DOCK8: variants seen among roughly 807,000 people sequenced by gnomAD.
The protein encoded by DOCK8 is dedicator of cytokinesis protein 8.
A neutral mutation model predicts 245.6 loss-of-function variants in DOCK8; 141 were observed. The observed-to-expected ratio is 0.57, with a 90% CI of 0.50 to 0.66. The LOEUF (loss-of-function observed/expected upper bound fraction) is 0.66. DOCK8 is among the 30% of genes least tolerant of loss of function. The pLI, the probability that DOCK8 is intolerant of heterozygous loss-of-function variation, is 0.00. For synonymous variants in DOCK8, 1,168 were observed against 970.2 expected (o/e 1.20, Z -3.79); for missense variants, 2,965 against 2,603.4 (o/e 1.14, Z -3.02).
intron 14 of DOCK8, among the ~76,000 whole-genome samples, chr9:364,641 G>GAAAAAAAA (rs34033459): frequency 3.6e-5 from 3 of 84,498 alleles, no homozygotes; most frequent in African/African-American, 1.3e-4. Flanking sequence ...CTCAAAAATT[G>GAAAAAAAA]AAAAAAAAAA....
chr9:427,123 A>C, intron 34 of DOCK8, 142 bp downstream of exon 34: 1 of 734,992 alleles, frequency 1.4e-6, no homozygotes, highest in South Asian at 1.6e-5. Flanking sequence ...GAAGTTTACT[A>C]TTTACAACAG....
Position 464,242 on chromosome 9 carries a change from A to G in DOCK8, c.*23A>G, listed in dbSNP as rs1446269193. On this transcript the variant is annotated 3_prime_UTR_variant, in exon 48 of 48. Transcript: ENST00000432829. ...TAAGAAAAGCCATCTTCATTCGTGG[A>G]GACTGTGGCCCTGCAACCCTGGAGA... The G allele has an allele frequency of 6.2e-7, 1 of 1,607,308 alleles. No homozygotes were observed. The highest frequency in any genetic ancestry group is 1.7e-5 in the Admixed American group (1 of 60,012).
chr9:314,357 A>G (rs2050254936), intron 6 of DOCK8: 4 of 152,250 alleles, frequency 2.6e-5, no homozygotes, highest in Admixed American at 2.6e-4. Context: ...AGAGAGAACA[A>G]TTAAAGGATG....
intron 6 of DOCK8, among the ~76,000 whole-genome samples, chr9:316,382 A>G (rs542884774): frequency 4.4e-4 from 67 of 152,324 alleles, no homozygotes; most frequent in African/African-American, 1.6e-3. Flanking sequence ...TAGGGGCTTG[A>G]TATTTCTCTT....
At chr9:233,453 G>T (rs2047166733) in intron 1 of DOCK8, among the ~76,000 whole-genome samples, 1 of 152,124 alleles carries the variant, frequency 6.6e-6, no homozygotes, top group South Asian at 2.1e-4. Flanking sequence ...CGGTATCCTT[G>T]TTGACTTTCT....
At chr9:450,017 G>C (rs1376331133) in intron 45 of DOCK8, 90 bp downstream of exon 45, 1 of 1,429,420 alleles carries the variant, frequency 7.0e-7, no homozygotes, top group Non-Finnish European at 9.7e-7. Flanking sequence ...GGGTTGATGA[G>C]GACTTTGATC....
intron 36 of DOCK8, among the ~76,000 whole-genome samples, chr9:431,810 A>G (rs1401187104): frequency 3.3e-5 from 5 of 152,102 alleles, no homozygotes; most frequent in African/African-American, 7.2e-5. Flanking sequence ...TTCTTTTAAT[A>G]AAGTTTAAAT....
Position 386,253 on chromosome 9 carries a change from C to T in DOCK8, c.2779-78C>T, listed in dbSNP as rs550312284. 259 of 1,226,548 alleles carry T rather than the reference C, an allele frequency of 2.1e-4. 5 individuals carry two copies. In the South Asian group the frequency reaches 3.0e-3, roughly 14 times the overall value. The allele number at this position is 1,226,548 out of a possible 1,614,324, so 76.0% of individuals were successfully genotyped here. ...AAAAATATGTATAAAAAAATGAATT[C>T]TGAGGTTGTGATTTCCAGATGTCTG... On this transcript the variant is annotated intron_variant, in intron 22 of 47. Coordinates refer to ENST00000432829, the MANE Select transcript of DOCK8 (RefSeq NM_203447.4).
intron 26 of DOCK8, 87 bp downstream of exon 26, chr9:399,346 T>G (rs1454200846): frequency 1.0e-6 from 1 of 967,886 alleles, no homozygotes. Flanking sequence ...GCACGCTGTC[T>G]TCTTCATTAC....
At chr9:309,388 T>C (rs527449841) in intron 5 of DOCK8, among the ~76,000 whole-genome samples, 75 of 152,294 alleles carry the variant, frequency 4.9e-4, no homozygotes, top group African/African-American at 1.8e-3. Context: ...AAAAAATGTG[T>C]AGTATGGAGA....
At chr9:359,563 A>G (rs1463433729) in intron 14 of DOCK8, among the ~76,000 whole-genome samples, 2 of 152,242 alleles carry the variant, frequency 1.3e-5, no homozygotes, top group Non-Finnish European at 2.9e-5. Flanking sequence ...GTACCTTAAA[A>G]TAATGTATTT....
chr9:378,838 A>C (rs889928105), intron 20 of DOCK8, among the ~76,000 whole-genome samples: 2 of 152,266 alleles, frequency 1.3e-5, no homozygotes, highest in African/African-American at 4.8e-5. Context: ...GTGGGGGCAC[A>C]AAAGATGTGA....
At chr9:273,013 A>G (rs997214873) in intron 2 of DOCK8, 2 of 984,986 alleles carry the variant, frequency 2.0e-6, no homozygotes, top group African/African-American at 1.7e-5. Flanking sequence ...TGCCTTAGAA[A>G]TTTTGTAACC....
At chr9:451,859 A>C (rs2057448596) in intron 45 of DOCK8, 152 bp from the exon 46 acceptor site, 2 of 247,436 alleles carry the variant, frequency 8.1e-6, no homozygotes, top group Admixed American at 1.4e-4. Context: ...ATATATTCAT[A>C]TATATGTGTG....
chr9:351,190 A>C (rs913813740), intron 14 of DOCK8, among the ~76,000 whole-genome samples: 7 of 152,168 alleles, frequency 4.6e-5, no homozygotes, highest in Non-Finnish European at 7.3e-5. Flanking sequence ...GACTGAAATT[A>C]AACTCTAAGT....
At chr9:405,156 A>G in intron 27 of DOCK8, 83 bp downstream of exon 27, 8 of 1,393,176 alleles carry the variant, frequency 5.7e-6, no homozygotes, top group East Asian at 4.9e-5. Flanking sequence ...TTTCCTATAA[A>G]GGTTAGTCTT....
chr9:446,149 T>G (rs1665285360), intron 43 of DOCK8, among the ~76,000 whole-genome samples: 1 of 152,192 alleles, frequency 6.6e-6, no homozygotes, highest in African/African-American at 2.4e-5. Flanking sequence ...GCCCTCACTC[T>G]CCCCACAGGC....
At chr9:350,642 C>T (rs1435686793) in intron 14 of DOCK8, among the ~76,000 whole-genome samples, 2 of 152,202 alleles carry the variant, frequency 1.3e-5, no homozygotes, top group African/African-American at 4.8e-5. Context: ...ATGGCTGCTT[C>T]CTCTTTTGTA....
At chr9:328,770 A>G (rs1286246498) in intron 9 of DOCK8, among the ~76,000 whole-genome samples, 2 of 149,766 alleles carry the variant, frequency 1.3e-5, no homozygotes, top group Non-Finnish European at 3.0e-5. Flanking sequence ...CTCTAATGAG[A>G]GTTGAAATCT....
Sources: allele counts gnomAD v4.1 joint callset (sites outside exome capture counted in the v4.1 genomes callset), GRCh38; gene constraint gnomAD v4.1.1; transcripts MANE v1.5; gene names NCBI Gene and HGNC (gene_info 2026-07-23, HGNC 2026-07-21).